RPS3: variants seen among roughly 807,000 people sequenced by gnomAD.
RPS3 encodes the protein small ribosomal subunit protein uS3.
In RPS3, 2 loss-of-function variants were observed where a neutral mutation model predicts 25.8. The observed-to-expected ratio is 0.08, with a 90% CI of 0.03 to 0.24. The LOEUF (loss-of-function observed/expected upper bound fraction) is 0.24. Among genes scored for constraint, RPS3 ranks in the 10% least tolerant of loss-of-function variants. The pLI, the probability that RPS3 is intolerant of heterozygous loss-of-function variation, is 1.00. For missense variants in RPS3, 107 were observed against 307.1 expected (o/e 0.35, Z 4.87); for synonymous variants, 114 against 114.2 (o/e 1.00, Z 0.01).
At position 75,400,716 on chromosome 11, in the gene RPS3, A is replaced by C; in HGVS notation, c.53A>C (p.Lys18Thr). 1 of 1,613,198 alleles carries C rather than the reference A, an allele frequency of 6.2e-7. No individual in the cohort carries two copies. The highest frequency in any genetic ancestry group is 8.5e-7 in the Non-Finnish European group (1 of 1,179,506). Residue 18 changes from lysine (K) to threonine (T), a missense_variant, in exon 2 of 7, where the codon AAA (lysine) becomes ACA (threonine). Physicochemically the swap from Lys to Thr is moderately conservative, Grantham distance 78 (BLOSUM62 -1). This residue lies in a region of RPS3 where 26 missense variants were observed against 20.4 expected (regional missense o/e 1.28). Coordinates refer to ENST00000531188, the MANE Select transcript of RPS3 (RefSeq NM_001005.5). ...KRKFVADGIF[K>T]AELNEFLTRE... ...TAGTTTGTCGCTGATGGCATCTTCAAAGCTGAACTGAATGAGTTTCTTACT... is the reference window on the plus strand; with the variant it reads ...TAGTTTGTCGCTGATGGCATCTTCACAGCTGAACTGAATGAGTTTCTTACT...
chr11:75,421,438 C>G (rs1228629178), intron 6 of RPS3, among the ~76,000 whole-genome samples: 1 of 152,184 alleles, frequency 6.6e-6, no homozygotes, highest in Non-Finnish European at 1.5e-5. Context: ...ATGCACAGAG[C>G]CTCGCAGAAT....
At chr11:75,399,888 T>C in intron 1 of RPS3, 1 of 497,796 alleles carries the variant, frequency 2.0e-6, no homozygotes, top group Non-Finnish European at 3.6e-6. Flanking sequence ...GCGTGTGTCA[T>C]TTCCCTCATG....
intron 6 of RPS3, among the ~76,000 whole-genome samples, chr11:75,416,231 G>A (rs1948397202): frequency 6.6e-6 from 1 of 152,150 alleles, no homozygotes; most frequent in South Asian, 2.1e-4. Context: ...ATTAGTGCTA[G>A]CTGTTACTAT....
chr11:75,410,602 G>A (rs1426260987), downstream of RPS3, among the ~76,000 whole-genome samples: 1 of 152,260 alleles, frequency 6.6e-6, no homozygotes, highest in African/African-American at 2.4e-5. Flanking sequence ...CCGGGCAGAG[G>A]CTGCAATCTC....
intron 6 of RPS3, among the ~76,000 whole-genome samples, chr11:75,420,127 T>C (rs1948431142): frequency 6.6e-6 from 1 of 152,228 alleles, no homozygotes; most frequent in Admixed American, 6.5e-5. Context: ...TCAGGATTCA[T>C]GGCCTGGCTT....
At chr11:75,417,651 C>G (rs1948410708) in intron 6 of RPS3, among the ~76,000 whole-genome samples, 1 of 152,210 alleles carries the variant, frequency 6.6e-6, no homozygotes, top group Non-Finnish European at 1.5e-5. Context: ...CCTGTAGTCT[C>G]AGCTACTGGG....
At chr11:75,400,569 G>A (rs762185489) in intron 1 of RPS3, 125 bp from the exon 2 acceptor site, 3 of 1,379,748 alleles carry the variant, frequency 2.2e-6, no homozygotes, top group Non-Finnish European at 3.1e-6. Context: ...ACAAGGGTTT[G>A]GAACCATTGG....
intron 6 of RPS3, among the ~76,000 whole-genome samples, chr11:75,417,242 G>A (rs988748549): frequency 4.6e-5 from 7 of 152,132 alleles, no homozygotes; most frequent in Admixed American, 3.3e-4. Context: ...GGCCGAAATG[G>A]GAGAATCATT....
At chr11:75,401,550 G>A (rs910125237) in intron 2 of RPS3, 90 bp from the exon 3 acceptor site, 5 of 896,334 alleles carry the variant, frequency 5.6e-6, no homozygotes, top group Non-Finnish European at 9.0e-6. Context: ...TATGCTTTGT[G>A]GCAGAGATTT....
downstream of RPS3, among the ~76,000 whole-genome samples, chr11:75,407,373 A>G (rs983777761): frequency 6.6e-6 from 1 of 152,092 alleles, no homozygotes; most frequent in Non-Finnish European, 1.5e-5. Flanking sequence ...CTTGACTTCA[A>G]GTGATCCCCC....
chr11:75,409,057 C>T (rs1436919803), downstream of RPS3, among the ~76,000 whole-genome samples: 1 of 152,188 alleles, frequency 6.6e-6, no homozygotes, highest in Non-Finnish European at 1.5e-5. Flanking sequence ...CACAATTTCA[C>T]TGCAAACTCC....
At chr11:75,407,523 GT>G (rs1198671856), downstream of RPS3, among the ~76,000 whole-genome samples, 3 of 152,246 alleles carry the variant, frequency 2.0e-5, no homozygotes, top group Admixed American at 6.5e-5. Context: ...CCAGGCTGGA[GT>G]GCAGTGGCGC....
chr11:75,419,708 A>T (rs145093451), intron 6 of RPS3, among the ~76,000 whole-genome samples: 316 of 152,198 alleles, frequency 2.1e-3, no homozygotes, highest in African/African-American at 6.9e-3. Context: ...ACCTAGGCTC[A>T]CTGCAACTTC....
rs946623268 is a variant in RPS3 at position 75,406,334 on chromosome 11, G to A, written c.*724G>A. The A allele has an allele frequency of 6.6e-6, 1 of 152,228 alleles. No homozygotes were observed. Among genetic ancestry groups the A allele is most frequent in the African/African-American group, 2.4e-5 (1 of 41,464 alleles). The allele number at this position is 152,228 out of a possible 1,614,324, so 9.4% of individuals were successfully genotyped here. ...GGCACTATTTTTTCAGGCAAAACTA[G>A]TGAGGGACAGGTTGGCTTGAAAATC... is the stretch of plus-strand genomic sequence containing the variant. On this transcript the variant is annotated 3_prime_UTR_variant, in exon 7 of 7. Coordinates refer to ENST00000531188, the MANE Select transcript of RPS3 (RefSeq NM_001005.5).
At chr11:75,418,365 A>T (rs1948417516) in intron 6 of RPS3, among the ~76,000 whole-genome samples, 1 of 152,266 alleles carries the variant, frequency 6.6e-6, no homozygotes, top group South Asian at 2.1e-4. Flanking sequence ...CAAGATCCTA[A>T]ACATTTTTTA....
intron 6 of RPS3, among the ~76,000 whole-genome samples, chr11:75,418,556 A>G (rs1948419890): frequency 6.6e-6 from 1 of 152,116 alleles, no homozygotes; most frequent in African/African-American, 2.4e-5. Context: ...TGTTTAATGC[A>G]CTCTTCTTCA....
intron 1 of RPS3, chr11:75,400,484 A>G (rs1948193190): frequency 1.4e-6 from 1 of 695,936 alleles, no homozygotes; most frequent in Middle Eastern, 2.6e-4. Context: ...CAGTTTAAAG[A>G]GCCCTGGTTG....
rs1948430349 is a variant in RPS3, at chr11:75,420,075, G to C, written c.*4-1652G>C. ...GTGAAGTCTCTTATGTTCTCAACAA[G>C]GGAGCGAACGGCAAAGCCGCACACC... On this transcript the variant is annotated intron_variant, in intron 6 of 6. Coordinates refer to the RPS3 transcript ENST00000527446. 2.6e-5 allele frequency among the ~76,000 whole-genome samples: 4 copies of C among 152,204 alleles called. No individual in the cohort carries two copies. In the South Asian group the frequency reaches 8.3e-4, roughly 32 times the overall value.
At chr11:75,421,387 G>A (rs942123289) in intron 6 of RPS3, among the ~76,000 whole-genome samples, 9 of 152,348 alleles carry the variant, frequency 5.9e-5, no homozygotes, top group Admixed American at 2.0e-4. Flanking sequence ...GGGGGAGCCT[G>A]CAGCTGGGGC....
Sources: gnomAD v4.1 joint callset for allele counts (sites outside exome capture counted in the v4.1 genomes callset) on GRCh38, gnomAD v4.1.1 for gene constraint, gnomAD v4.1.1 regional missense constraint, MANE v1.5 for transcripts, NCBI Gene and HGNC (gene_info 2026-07-23, HGNC 2026-07-21) for gene names.